UFL1: variants seen among roughly 807,000 people sequenced by gnomAD.
UFL1 encodes E3 UFM1-protein ligase 1.
Under a neutral mutation model 99.3 loss-of-function variants are expected in UFL1, and 78 were observed. The ratio of observed to expected loss-of-function variants is 0.79; its 90% CI spans 0.65 to 0.95. The LOEUF (loss-of-function observed/expected upper bound fraction) is 0.95, where lower values mean the gene tolerates loss of function less well. Ranked by LOEUF, UFL1 falls within the 40% of genes least tolerant of loss-of-function variation. UFL1 has a pLI of 0.00. For synonymous variants in UFL1, 335 were observed against 322.2 expected (o/e 1.04, Z -0.42); for missense variants, 936 against 937.0 (o/e 1.00, Z 0.01).
At chr6:96,532,693 G>A (rs895253510) in intron 6 of UFL1, among the ~76,000 whole-genome samples, 1 of 151,986 alleles carries the variant, frequency 6.6e-6, no homozygotes, top group Non-Finnish European at 1.5e-5. Context: ...ACTTACCACC[G>A]TAAATTGAAG....
chr6:96,543,892 T>A (rs1010314394), intron 12 of UFL1, among the ~76,000 whole-genome samples: 4 of 151,202 alleles, frequency 2.6e-5, no homozygotes, highest in Admixed American at 6.6e-5. Context: ...CATGTTCTAA[T>A]GTGTTAAAAA....
At chr6:96,536,156 T>C in intron 7 of UFL1, 88 bp from the exon 8 acceptor site, 1 of 1,297,848 alleles carries the variant, frequency 7.7e-7, no homozygotes, top group Non-Finnish European at 1.0e-6. Context: ...AGGTTAAGAA[T>C]AAGTAAATTA....
intron 8 of UFL1, among the ~76,000 whole-genome samples, chr6:96,536,724 A>T (rs900910151): frequency 6.6e-6 from 1 of 151,790 alleles, no homozygotes; most frequent in Non-Finnish European, 1.5e-5. Flanking sequence ...TACATTTATT[A>T]AGATGGCACT....
In UFL1 at chr6:96,540,582, A is replaced by G; in HGVS notation, c.1206A>G (p.Lys402=). The G allele has an allele frequency of 6.2e-7, 1 of 1,607,460 alleles. No individual in the cohort carries two copies. The highest frequency in any genetic ancestry group is 8.5e-7 in the Non-Finnish European group (1 of 1,176,598). Residue 402 remains lysine, a synonymous_variant, in exon 11 of 19, where the codon AAA becomes AAG. Transcript: ENST00000369278. The part of the protein sequence containing the change: ...PVHLITEEDL[K]QISTLESVST... ...ATTTAATCACTGAAGAAGATCTGAA[A>G]CAAATCTCCACTTTAGAAAGCGTTA... is the stretch of plus-strand genomic sequence containing the variant.
At chr6:96,537,586 T>G in intron 9 of UFL1, 37 bp downstream of exon 9, 1 of 1,495,036 alleles carries the variant, frequency 6.7e-7, no homozygotes, top group East Asian at 2.5e-5. Flanking sequence ...CTTTAAACAG[T>G]GACAACTGAT....
intron 15 of UFL1, among the ~76,000 whole-genome samples, chr6:96,551,138 T>C (rs778665472): frequency 1.3e-5 from 2 of 151,936 alleles, no homozygotes; most frequent in Admixed American, 1.3e-4. Context: ...CTCTTCCTAC[T>C]CTAATGGAAG....
intron 7 of UFL1, among the ~76,000 whole-genome samples, chr6:96,535,781 A>G (rs774391416): frequency 6.6e-6 from 1 of 152,004 alleles, no homozygotes; most frequent in Non-Finnish European, 1.5e-5. Flanking sequence ...AACTGCTTAT[A>G]GTTGTATTTC....
Position 96,542,934 on chromosome 6 carries a change from C to T in UFL1, c.1320C>T (p.Ala440=). 1.9e-6 allele frequency: 3 copies of T among 1,600,000 alleles called. No homozygotes were observed. The highest frequency in any genetic ancestry group is 1.1e-5 in the South Asian group (1 of 89,120). The stretch of plus-strand genomic sequence containing the variant: ...TGAGAGGAGGAGGTGGGGGCAATGC[C>T]AGAGAGTACAAAATTAAAAAAGTCA... The part of the protein sequence containing the change: ...GSMRGGGGGN[A]REYKIKKVKK... The change falls in exon 12 of 19, where the codon GCC becomes GCT. Residue 440 remains alanine, a synonymous_variant. Transcript: ENST00000369278.
At chr6:96,548,453 T>C (rs1770030996) in intron 13 of UFL1, among the ~76,000 whole-genome samples, 172 bp downstream of exon 13, 1 of 151,652 alleles carries the variant, frequency 6.6e-6, no homozygotes, top group Non-Finnish European at 1.5e-5. Context: ...GCAGTTTAAT[T>C]CAACAAATAT....
At chr6:96,534,426 T>C in intron 7 of UFL1, 105 bp downstream of exon 7, 1 of 883,616 alleles carries the variant, frequency 1.1e-6, no homozygotes. Context: ...TTAATGTAAC[T>C]AAAATATTTC....
intron 6 of UFL1, among the ~76,000 whole-genome samples, chr6:96,530,795 A>G (rs1002381129): frequency 6.6e-6 from 1 of 152,128 alleles, no homozygotes; most frequent in South Asian, 2.1e-4. Context: ...TTCTTTTAGC[A>G]GAGTATGGGA....
In UFL1 at chr6:96,540,638, G is replaced by A. The variant is rs745663445; in HGVS notation, c.1262G>A (p.Arg421Gln). The change falls in exon 11 of 19, where the codon CGA (arginine) becomes CAA (glutamine). Residue 421 changes from arginine to glutamine, a missense_variant. Physicochemically the swap from Arg to Gln is conservative, Grantham distance 43. Coordinates refer to ENST00000369278, the MANE Select transcript of UFL1 (RefSeq NM_015323.5). ...STSKKDKKDE[R>Q]RRKATEGSGS... Reference sequence around the variant, plus strand: ...AGTAAAAAGGATAAAAAAGATGAGCGAAGAAGGAAAGCAACAGGTAATAAA... The same window carrying A: ...AGTAAAAAGGATAAAAAAGATGAGCAAAGAAGGAAAGCAACAGGTAATAAA... 2.2e-5 allele frequency: 35 copies of A among 1,598,128 alleles called. No individual in the cohort carries two copies. Among genetic ancestry groups the A allele is most frequent in the Admixed American group, 1.4e-4 (8 of 56,820 alleles).
Position 96,538,685 on chromosome 6 carries a change from G to T in UFL1, c.1033G>T (p.Val345Leu), listed in dbSNP as rs1769888453. Residue 345 changes from valine (V) to leucine (L), a missense_variant, in exon 10 of 19, where the codon GTG becomes TTG. Coordinates refer to ENST00000369278, the MANE Select transcript of UFL1 (RefSeq NM_015323.5). ...VEDAAILLQQ[V>L]MRAFSKQAST... ...AGATGCTGCCATATTGCTTCAGCAGGTGATGAGGGCATTCAGCAAACAGGC... is the reference window on the plus strand; with the variant it reads ...AGATGCTGCCATATTGCTTCAGCAGTTGATGAGGGCATTCAGCAAACAGGC... 2 of 1,611,428 alleles carry T rather than the reference G, an allele frequency of 1.2e-6. No individual in the cohort carries two copies. The highest frequency in any genetic ancestry group is 1.3e-5 in the African/African-American group (1 of 74,724).
chr6:96,553,232 T>A, intron 18 of UFL1, 53 bp from the exon 19 acceptor site: 3 of 1,537,632 alleles, frequency 2.0e-6, no homozygotes, highest in Non-Finnish European at 8.9e-7. Context: ...CTACTTTATC[T>A]GTTCCACAAA....
intron 6 of UFL1, among the ~76,000 whole-genome samples, chr6:96,529,142 C>G (rs537898778): frequency 4.6e-5 from 7 of 152,182 alleles, no homozygotes; most frequent in South Asian, 2.1e-4. Flanking sequence ...AAGTCACTGA[C>G]TTTTCTAAAA....
chr6:96,547,309 C>CA (rs1282463235), intron 12 of UFL1, among the ~76,000 whole-genome samples: 2 of 151,388 alleles, frequency 1.3e-5, no homozygotes, highest in Admixed American at 6.6e-5. Context: ...ACTAAAAAGT[C>CA]AAAAAACAAC....
rs1292655956 is a variant in UFL1, at chr6:96,552,495, C to T, written c.1999C>T (p.Gln667Ter). 1.3e-6 allele frequency: 2 copies of T among 1,577,096 alleles called. No individual in the cohort carries two copies. The highest frequency in any genetic ancestry group is 1.7e-6 in the Non-Finnish European group (2 of 1,168,862). The change falls in exon 18 of 19, where the codon CAA becomes TAA. Residue 667 changes from glutamine to a stop codon, truncating the protein, a stop_gained. Coordinates refer to ENST00000369278, the MANE Select transcript of UFL1 (RefSeq NM_015323.5). LOFTEE classifies it high-confidence loss of function. Reference sequence around the variant, plus strand: ...TTTTTTTTTTAGACAGATACTGTTCCAACATCGACAAGCACTGGCTGAACA... The same window carrying T: ...TTTTTTTTTTAGACAGATACTGTTCTAACATCGACAAGCACTGGCTGAACA... ...DKKRERQILF[Q>*]HRQALAEQLK...
At position 96,521,815 on chromosome 6, in the gene UFL1, C is replaced by G. The variant is rs1769611696; in HGVS notation, c.-59C>G. 1.1e-5 allele frequency: 17 copies of G among 1,554,778 alleles called. No individual in the cohort carries two copies. The highest frequency in any genetic ancestry group is 1.5e-5 in the Non-Finnish European group (17 of 1,148,440). On this transcript the variant is annotated 5_prime_UTR_variant, in exon 1 of 19. Coordinates refer to ENST00000369278, the MANE Select transcript of UFL1 (RefSeq NM_015323.5). ...GCGGCCCGTTCCGCCTCTCTTCTCCCACCGCCTGTCGGCTGACGTGTCTGC... is the reference window on the plus strand; with the variant it reads ...GCGGCCCGTTCCGCCTCTCTTCTCCGACCGCCTGTCGGCTGACGTGTCTGC...
At chr6:96,530,263 C>G (rs796738069) in intron 6 of UFL1, among the ~76,000 whole-genome samples, 4 of 152,172 alleles carry the variant, frequency 2.6e-5, no homozygotes, top group African/African-American at 9.6e-5. Flanking sequence ...TGTTGGTTGT[C>G]TGCTGTTTTT....
Sources: allele counts gnomAD v4.1 joint callset (sites outside exome capture counted in the v4.1 genomes callset), GRCh38; gene constraint gnomAD v4.1.1; transcripts MANE v1.5; gene names NCBI Gene and HGNC (gene_info 2026-07-23, HGNC 2026-07-21).